Variants in MECOM observed in about 807,000 individuals in gnomAD.
The protein encoded by MECOM is histone-lysine N-methyltransferase MECOM.
A neutral mutation model predicts 116.3 loss-of-function variants in MECOM; 13 were observed. That is an observed-to-expected ratio of 0.11 (90% confidence interval 0.07 to 0.18). MECOM has a LOEUF of 0.18. Among genes scored for constraint, MECOM ranks in the 10% least tolerant of loss-of-function variants. The pLI, the probability that MECOM is intolerant of heterozygous loss-of-function variation, is 1.00. For missense variants in MECOM, 1,299 were observed against 1,509.0 expected, an observed-to-expected ratio of 0.86 and a Z score of 2.31; for synonymous variants, 528 against 535.2, an observed-to-expected ratio of 0.99 and a Z score of 0.19.
intron 1 of MECOM, among the ~76,000 whole-genome samples, chr3:169,554,812 C>G (rs1163684391): frequency 6.6e-6 from 1 of 152,146 alleles, no homozygotes; most frequent in African/African-American, 2.4e-5. Context: ...CTCCCTGGAC[C>G]AGGAACAACA....
At chr3:169,371,126 G>A (rs534246342) in intron 2 of MECOM, among the ~76,000 whole-genome samples, 2 of 152,048 alleles carry the variant, frequency 1.3e-5, no homozygotes, top group East Asian at 3.9e-4. Context: ...TGAATGCGAA[G>A]GATGAATCAT....
chr3:169,109,380 C>A (rs1046545013), intron 9 of MECOM, among the ~76,000 whole-genome samples: 5 of 151,888 alleles, frequency 3.3e-5, no homozygotes, highest in South Asian at 2.1e-4. Context: ...AGACCCTCAG[C>A]ATTCATCTTT....
At chr3:169,111,213 T>A (rs1471387425) in intron 9 of MECOM, among the ~76,000 whole-genome samples, 1 of 152,098 alleles carries the variant, frequency 6.6e-6, no homozygotes, top group Non-Finnish European at 1.5e-5. Context: ...AGACACTGAA[T>A]CCCTTTTTGG....
chr3:169,313,494 G>C (rs944430831), intron 2 of MECOM, among the ~76,000 whole-genome samples: 2 of 152,204 alleles, frequency 1.3e-5, no homozygotes, highest in African/African-American at 4.8e-5. Context: ...TCTGCAGGAG[G>C]TGAGAGAGAA....
chr3:169,096,544 A>G (rs1254365063), intron 12 of MECOM, among the ~76,000 whole-genome samples: 1 of 152,260 alleles, frequency 6.6e-6, no homozygotes, highest in South Asian at 2.1e-4. Context: ...TGCCGGGATT[A>G]CAGTTGTGAG....
At chr3:169,487,410 G>A (rs1578242343) in intron 1 of MECOM, among the ~76,000 whole-genome samples, 1 of 152,076 alleles carries the variant, frequency 6.6e-6, no homozygotes, top group East Asian at 1.9e-4. Context: ...CTGAATTAAT[G>A]TGATCTACAG....
At chr3:169,492,416 C>T (rs929008705) in intron 1 of MECOM, among the ~76,000 whole-genome samples, 3 of 152,116 alleles carry the variant, frequency 2.0e-5, no homozygotes, top group African/African-American at 7.2e-5. Context: ...CAGGACTTGT[C>T]ATCCACTGAA....
chr3:169,422,313 A>G (rs978880924), intron 1 of MECOM, among the ~76,000 whole-genome samples: 2 of 152,146 alleles, frequency 1.3e-5, no homozygotes, highest in Admixed American at 6.6e-5. Flanking sequence ...AATGAATGCC[A>G]TGATCATTCA....
intron 2 of MECOM, among the ~76,000 whole-genome samples, chr3:169,378,945 ATTTTTTTCAAAAATGAAGGCATATC>A (rs1731918768): frequency 6.6e-6 from 1 of 151,206 alleles, no homozygotes; most frequent in African/African-American, 2.4e-5. Context: ...CTCCTTCATC[ATTTTTTTCAAAAATGAAGGCATATC>A]AAAAAGAGAG....
chr3:169,400,172 T>C (rs1163742089), intron 1 of MECOM, among the ~76,000 whole-genome samples: 1 of 152,212 alleles, frequency 6.6e-6, no homozygotes, highest in African/African-American at 2.4e-5. Context: ...TTATATTACA[T>C]TTTGAAATAA....
intron 2 of MECOM, among the ~76,000 whole-genome samples, chr3:169,378,592 AAGTAAGTT>A (rs1560198901): frequency 4.7e-5 from 4 of 85,344 alleles, no homozygotes; most frequent in East Asian, 7.2e-4. Flanking sequence ...GAAAGTAAGT[AAGTAAGTT>A]TGGGGACTTA....
intron 2 of MECOM, among the ~76,000 whole-genome samples, chr3:169,270,155 T>A (rs1758761575): frequency 6.6e-6 from 1 of 152,202 alleles, no homozygotes. Context: ...AAAGGGACAG[T>A]GTTCTGGCCT....
chr3:169,115,374 C>T lies in MECOM; in HGVS notation c.2489+9G>A. On this transcript the variant is annotated intron_variant, in intron 8 of 16. Transcript: ENST00000651503. ...TGCTCATATTTCGTCATCTTCCATA[C>T]ACGCTTACCTGTAAATAGGGTCCAT... 2 of 1,610,368 alleles carry T rather than the reference C, an allele frequency of 1.2e-6. No homozygotes were observed. Among genetic ancestry groups the T allele is most frequent in the South Asian group, 1.1e-5 (1 of 90,424 alleles).
In MECOM at chr3:169,603,820, G is replaced by A. The variant is rs538860282; in HGVS notation, c.37+59516C>T. Among the ~76,000 whole-genome samples the A allele has an allele frequency of 1.2e-4, 18 of 152,236 alleles. No individual in the cohort carries two copies. The South Asian group carries it at 3.3e-3, about 28-fold the overall frequency. ...CAACAATGGCATTGTCTAATGCCAC[G>A]TTTCTCAGAAAGCATTCCCAAACAT... is the stretch of plus-strand genomic sequence containing the variant. On this transcript the variant is annotated intron_variant, in intron 1 of 16. Transcript: ENST00000651503.
At chr3:169,469,034 AG>A (rs1387685100) in intron 1 of MECOM, among the ~76,000 whole-genome samples, 2 of 152,200 alleles carry the variant, frequency 1.3e-5, no homozygotes, top group African/African-American at 2.4e-5. Flanking sequence ...CACATTGCCT[AG>A]AAAAATTAAT....
chr3:169,553,621 C>T (rs1449138259), intron 1 of MECOM, among the ~76,000 whole-genome samples: 1 of 152,180 alleles, frequency 6.6e-6, no homozygotes, highest in African/African-American at 2.4e-5. Context: ...CAAAATACTT[C>T]ACATGGGGTG....
At chr3:169,612,718 A>G (rs1171336322) in intron 1 of MECOM, among the ~76,000 whole-genome samples, 1 of 152,212 alleles carries the variant, frequency 6.6e-6, no homozygotes, top group African/African-American at 2.4e-5. Context: ...TGTTTGAAAC[A>G]TAGAACCCAC....
intron 2 of MECOM, among the ~76,000 whole-genome samples, chr3:169,276,369 T>G (rs1047945740): frequency 6.6e-6 from 1 of 152,020 alleles, no homozygotes; most frequent in Non-Finnish European, 1.5e-5. Context: ...CTGGCCAGAA[T>G]GGTGAAACCC....
chr3:169,178,772 A>G (rs558590873), intron 2 of MECOM, among the ~76,000 whole-genome samples: 1 of 152,314 alleles, frequency 6.6e-6, no homozygotes, highest in African/African-American at 2.4e-5. Flanking sequence ...TAGATATCCA[A>G]CATCCAATGT....
Sources: allele counts gnomAD v4.1 joint callset (sites outside exome capture counted in the v4.1 genomes callset), GRCh38; gene constraint gnomAD v4.1.1; transcripts MANE v1.5; gene names NCBI Gene and HGNC (gene_info 2026-07-23, HGNC 2026-07-21).